PRSS35: variants seen among roughly 807,000 people sequenced by gnomAD.
PRSS35 encodes serine protease 35, also known as inactive serine protease 35.
Under a neutral mutation model 8.1 loss-of-function variants are expected in PRSS35, and 7 were observed. The observed-to-expected ratio is 0.86, with a 90% CI of 0.49 to 1.62. PRSS35 has a LOEUF of 1.62. Ranked by LOEUF, PRSS35 falls within the 40% of genes most tolerant of loss-of-function variation. The pLI is 0.00. For missense variants in PRSS35, 566 were observed against 518.0 expected (o/e 1.09, Z -0.90); for synonymous variants, 199 against 188.7 (o/e 1.05, Z -0.45).
intron 1 of PRSS35, among the ~76,000 whole-genome samples, chr6:83,516,427 T>C (rs926235407): frequency 6.6e-6 from 1 of 151,484 alleles, no homozygotes; most frequent in African/African-American, 2.4e-5. Flanking sequence ...ACAAAAAAAA[T>C]TAGCCGGGCA....
At chr6:83,516,613 T>A (rs992983244) in intron 1 of PRSS35, among the ~76,000 whole-genome samples, 2 of 150,804 alleles carry the variant, frequency 1.3e-5, no homozygotes, top group Non-Finnish European at 2.9e-5. Flanking sequence ...GAAGTTGTAT[T>A]GTGATCTTCT....
chr6:83,522,109 A>G (rs9359562), intron 1 of PRSS35, among the ~76,000 whole-genome samples: 65,657 of 152,044 alleles, frequency 0.43, 15,747 homozygotes, highest in South Asian at 0.56. Context: ...CCATGCAAAA[A>G]AGAAATAAAT....
At chr6:83,515,670 C>A (rs1266862873) in intron 1 of PRSS35, among the ~76,000 whole-genome samples, 2 of 152,188 alleles carry the variant, frequency 1.3e-5, no homozygotes, top group Non-Finnish European at 2.9e-5. Context: ...CTTGTAGAGA[C>A]AGGGTCTCCC....
At chr6:83,515,682 A>G (rs1003130609) in intron 1 of PRSS35, among the ~76,000 whole-genome samples, 8 of 152,078 alleles carry the variant, frequency 5.3e-5, no homozygotes, top group South Asian at 2.1e-4. Flanking sequence ...GGGTCTCCCT[A>G]TGTTGCCCAG....
In PRSS35 at chr6:83,524,524, T is replaced by C. The variant is rs770381062; in HGVS notation, c.1083T>C (p.Asn361=). 73 of 1,613,964 alleles carry C rather than the reference T, an allele frequency of 4.5e-5. No individual in the cohort carries two copies. In the Admixed American group the frequency reaches 8.8e-4, roughly 20 times the overall value. Residue 361 remains asparagine, a synonymous_variant, in exon 2 of 2, where the codon AAT becomes AAC. Transcript: ENST00000369700. ...YLRLKDPDKK[N]WKRKIIAVYS... The stretch of plus-strand genomic sequence containing the variant: ...GTCTGAAAGATCCAGACAAAAAGAA[T>C]TGGAAGCGCAAAATCATTGCGGTCT...
intron 1 of PRSS35, among the ~76,000 whole-genome samples, chr6:83,522,439 G>T (rs1163293710): frequency 2.0e-5 from 3 of 152,074 alleles, no homozygotes; most frequent in East Asian, 1.9e-4. Context: ...TAGTAGGAGA[G>T]GTATTATATA....
At position 83,523,751 on chromosome 6, in the gene PRSS35, G is replaced by C; in HGVS notation, c.310G>C (p.Val104Leu). The C allele has an allele frequency of 6.2e-7, 1 of 1,614,132 alleles. No individual in the cohort carries two copies. Among genetic ancestry groups the C allele is most frequent in the Non-Finnish European group, 8.5e-7 (1 of 1,180,030 alleles). ...AACCAGGGTGAAAGTTCAAGATTTG[G>C]TTCTTGAGCCGACTCAAAATATCAC... is the stretch of plus-strand genomic sequence containing the variant. ...TLTRVKVQDLVLEPTQNITTK... is the reference protein window; with the variant it reads ...TLTRVKVQDLLLEPTQNITTK... The change falls in exon 2 of 2, where the codon GTT (valine) becomes CTT (leucine). Residue 104 changes from valine (V) to leucine (L), a missense_variant. Transcript: ENST00000369700.
At chr6:83,519,440 G>T (rs1425315998) in intron 1 of PRSS35, among the ~76,000 whole-genome samples, 2 of 152,140 alleles carry the variant, frequency 1.3e-5, no homozygotes, top group Non-Finnish European at 2.9e-5. Context: ...GGAAGCCAAG[G>T]GATGTTAGAC....
chr6:83,519,738 A>G (rs944661031), intron 1 of PRSS35, among the ~76,000 whole-genome samples: 1 of 152,190 alleles, frequency 6.6e-6, no homozygotes, highest in Non-Finnish European at 1.5e-5. Flanking sequence ...TCATATTACA[A>G]AGCTCTGCCC....
chr6:83,518,201 C>T (rs1771757296), intron 1 of PRSS35, among the ~76,000 whole-genome samples: 1 of 152,142 alleles, frequency 6.6e-6, no homozygotes, highest in African/African-American at 2.4e-5. Flanking sequence ...CTAAGCTAGA[C>T]TATAAACTTC....
At chr6:83,518,371 T>C (rs1452185990) in intron 1 of PRSS35, among the ~76,000 whole-genome samples, 4 of 152,220 alleles carry the variant, frequency 2.6e-5, no homozygotes, top group Non-Finnish European at 5.9e-5. Context: ...AGACTCTGTT[T>C]CTTTTTAGGC....
rs1771771336 is a variant in PRSS35, at chr6:83,518,914, A to G, written c.-20-4508A>G. Among the ~76,000 whole-genome samples the G allele has an allele frequency of 4.6e-5, 7 of 152,016 alleles. No homozygotes were observed. In the South Asian group the frequency reaches 1.4e-3, roughly 31 times the overall value. On this transcript the variant is annotated intron_variant, in intron 1 of 1. Transcript: ENST00000369700. ...TTATCCCCACTTTGCAGATGAGGAA[A>G]GTGAAACTTGGAGAGTTAATGAACT...
In PRSS35 at chr6:83,525,275, A is replaced by G. The variant is rs1224606717; in HGVS notation, c.*592A>G. On this transcript the variant is annotated 3_prime_UTR_variant, in exon 2 of 2. Transcript: ENST00000369700. The stretch of plus-strand genomic sequence containing the variant: ...TCAGAAGAAAAAGCAAGCATTATAA[A>G]CAAAACTAATAACTGTTTTACTGCT... The G allele has an allele frequency of 1.2e-5, 2 of 166,962 alleles. No homozygotes were observed. The highest frequency in any genetic ancestry group is 1.3e-4 in the Admixed American group (2 of 15,286). 10.3% of individuals were successfully genotyped at this position (166,962 alleles called of 1,614,324 possible). A position where few individuals can be genotyped will look rare whatever the true frequency, so the allele number is the denominator to read the frequency against.
At chr6:83,518,366 CTG>C (rs1771760346) in intron 1 of PRSS35, among the ~76,000 whole-genome samples, 1 of 152,068 alleles carries the variant, frequency 6.6e-6, no homozygotes, top group Non-Finnish European at 1.5e-5. Flanking sequence ...GACATAGACT[CTG>C]TTTCTTTTTA....
chr6:83,522,321 A>G (rs1441724301), intron 1 of PRSS35, among the ~76,000 whole-genome samples: 2 of 152,240 alleles, frequency 1.3e-5, no homozygotes, highest in African/African-American at 4.8e-5. Flanking sequence ...TGCTCCTACT[A>G]TACCCACCTC....
rs753240152 is a variant in PRSS35, at chr6:83,524,170, C to T, written c.729C>T (p.Ala243=). Residue 243 remains alanine, a synonymous_variant, in exon 2 of 2, where the codon GCC becomes GCT. Transcript: ENST00000369700. ...RKKSGRGQRI[A]EGRPSFQWTR... is the part of the protein sequence containing the mutation. The stretch of plus-strand genomic sequence containing the variant: ...AATCTGGCCGGGGTCAGAGGATTGC[C>T]GAAGGGAGGCCTTCCTTTCAGTGGA... 3 of 1,614,014 alleles carry T rather than the reference C, an allele frequency of 1.9e-6. No individual in the cohort carries two copies. Among genetic ancestry groups the T allele is most frequent in the East Asian group, 2.2e-5 (1 of 44,858 alleles).
chr6:83,515,966 C>A (rs1771704833), intron 1 of PRSS35, among the ~76,000 whole-genome samples: 1 of 152,120 alleles, frequency 6.6e-6, no homozygotes, highest in South Asian at 2.1e-4. Flanking sequence ...AGGTACACAA[C>A]AGCATGCCTG....
rs770046319 is a variant in PRSS35 at position 83,524,595 on chromosome 6, A to C, written c.1154A>C (p.Tyr385Ser). 1 of 1,614,144 alleles carries C rather than the reference A, an allele frequency of 6.2e-7. No individual in the cohort carries two copies. The highest frequency in any genetic ancestry group is 1.1e-5 in the South Asian group (1 of 91,074). The stretch of plus-strand genomic sequence containing the variant: ...GATGTCCACGGGGTTCAGAAGGACT[A>C]CAACGTTGCTGTTCGCATCACTCCC... ...WVDVHGVQKD[Y>S]NVAVRITPLK... The change falls in exon 2 of 2, where the codon TAC (tyrosine) becomes TCC (serine). Residue 385 changes from tyrosine (Y) to serine (S), a missense_variant. Tyr to Ser is a moderately radical substitution (Grantham distance 144). Coordinates refer to ENST00000369700, the MANE Select transcript of PRSS35 (RefSeq NM_153362.3).
chr6:83,519,245 A>G (rs1186861553), intron 1 of PRSS35, among the ~76,000 whole-genome samples: 2 of 152,110 alleles, frequency 1.3e-5, no homozygotes, highest in Non-Finnish European at 2.9e-5. Flanking sequence ...CTTCTACTCA[A>G]TCTGTCTTCA....
Sources: gnomAD v4.1 joint callset for allele counts (sites outside exome capture counted in the v4.1 genomes callset) on GRCh38, gnomAD v4.1.1 for gene constraint, MANE v1.5 for transcripts, NCBI Gene and HGNC (gene_info 2026-07-23, HGNC 2026-07-21) for gene names.